The following SCN7A variants were observed in gnomAD, a reference collection of about 807,000 sequenced individuals.
The protein encoded by SCN7A is sodium voltage-gated channel alpha subunit 7, also known as sodium channel protein type 7 subunit alpha.
In SCN7A, 138 loss-of-function variants were observed where a neutral mutation model predicts 155.2. That is an observed-to-expected ratio of 0.89 (90% CI 0.77 to 1.02). SCN7A has a LOEUF of 1.02. Ranked by LOEUF, SCN7A falls within the 50% of genes least tolerant of loss-of-function variation. The pLI is 0.00. For synonymous variants in SCN7A, 693 were observed against 649.0 expected (o/e 1.07, Z -1.03); for missense variants, 2,058 against 1,986.6 (o/e 1.04, Z -0.68).
intron 9 of SCN7A, among the ~76,000 whole-genome samples, chr2:166,463,023 T>C (rs1702448946): frequency 1.3e-5 from 2 of 152,288 alleles, no homozygotes; most frequent in South Asian, 4.1e-4. Flanking sequence ...AGGGGAAATA[T>C]CTGAACATCA....
intron 18 of SCN7A, among the ~76,000 whole-genome samples, chr2:166,424,685 G>GA (rs1448632500): frequency 3.3e-5 from 5 of 151,344 alleles, no homozygotes; most frequent in African/African-American, 7.3e-5. Flanking sequence ...AGAAGATTTA[G>GA]AAAAAAAAGC....
At chr2:166,447,810 G>A (rs893356664) in intron 11 of SCN7A, 102 bp from the exon 12 acceptor site, 15 of 741,042 alleles carry the variant, frequency 2.0e-5, no homozygotes, top group Non-Finnish European at 3.4e-5. Flanking sequence ...TATTCTCCCG[G>A]AGCCTTTTCT....
intron 2 of SCN7A, among the ~76,000 whole-genome samples, chr2:166,483,427 GTTTTGTGTACATATT>G (rs1702975695): frequency 6.6e-6 from 1 of 151,854 alleles, no homozygotes; most frequent in South Asian, 2.1e-4. Context: ...TATTTGCGTA[GTTTTGTGTACATATT>G]ATGTTGTATT....
intron 8 of SCN7A, 84 bp downstream of exon 8, chr2:166,465,697 T>G: frequency 7.0e-7 from 1 of 1,435,604 alleles, no homozygotes; most frequent in Non-Finnish European, 9.8e-7. Flanking sequence ...TAACAAAATG[T>G]TGAGTGTTCA....
chr2:166,421,641 T>C (rs1575011846), intron 19 of SCN7A, among the ~76,000 whole-genome samples: 1 of 151,990 alleles, frequency 6.6e-6, no homozygotes, highest in African/African-American at 2.4e-5. Context: ...TCATAATTAC[T>C]TGTAATACAG....
At chr2:166,473,690 T>TAAA in intron 5 of SCN7A, 109 bp downstream of exon 5, 2 of 262,868 alleles carry the variant, frequency 7.6e-6, no homozygotes, top group Non-Finnish European at 1.4e-5. Context: ...AAATTTATTA[T>TAAA]AATATAAAAT....
rs149250497 is a variant in SCN7A, at chr2:166,487,396, TTTC to T, written c.-127-431_-127-429del. Among the ~76,000 whole-genome samples the T allele has an allele frequency of 5.2e-3, 788 of 152,238 alleles. 40 individuals carry two copies. The East Asian group carries it at 0.12, about 22-fold the overall frequency. On this transcript the variant is annotated intron_variant, in intron 1 of 25. Coordinates refer to ENST00000643258, the MANE Select transcript of SCN7A (RefSeq NM_002976.4). ...AAAAGGAATGCCAGAAGTCAGTATT[TTTC>T]TTCTTCCCTACTCACAATTCCCAAT...
Position 166,445,756 on chromosome 2 carries a change from C to G in SCN7A, c.1388-756G>C, listed in dbSNP as rs1455493080. 2.0e-5 allele frequency among the ~76,000 whole-genome samples: 3 copies of G among 151,510 alleles called. No individual in the cohort carries two copies. In the East Asian group the frequency reaches 5.8e-4, roughly 30 times the overall value. ...AAGCTTTTTGACGTGCTGCTGGATT[C>G]GACAAAAACAAGCGATGGGGAAAGG... On this transcript the variant is annotated intron_variant, in intron 12 of 25. Transcript: ENST00000643258.
At position 166,463,834 on chromosome 2, in the gene SCN7A, T is replaced by A. The variant is rs1237804173; in HGVS notation, c.942-1304A>T. 2.0e-5 allele frequency among the ~76,000 whole-genome samples: 3 copies of A among 151,974 alleles called. No individual in the cohort carries two copies. The East Asian group carries it at 5.8e-4, about 30-fold the overall frequency. ...ACTTTGGGAGGCCACGGTGGGTGGA[T>A]CGCTTAAGCCCAAGAGGTCAAGACT... On this transcript the variant is annotated intron_variant, in intron 9 of 25. Transcript: ENST00000643258.
chr2:166,421,164 G>T, intron 20 of SCN7A, 26 bp downstream of exon 20: 1 of 1,403,348 alleles, frequency 7.1e-7, no homozygotes, highest in Non-Finnish European at 9.6e-7. Flanking sequence ...AAAATTTGTA[G>T]ATTAGCTTAG....
intron 1 of SCN7A, among the ~76,000 whole-genome samples, chr2:166,493,387 G>C (rs1683157940): frequency 6.6e-6 from 1 of 152,098 alleles, no homozygotes; most frequent in African/African-American, 2.4e-5. Flanking sequence ...AAAACCTCCA[G>C]AAGAGATGCA....
intron 18 of SCN7A, among the ~76,000 whole-genome samples, chr2:166,426,400 G>A (rs1701625677): frequency 6.6e-6 from 1 of 151,978 alleles, no homozygotes; most frequent in South Asian, 2.1e-4. Context: ...TAGGATAGGT[G>A]GACTCTGGGG....
intron 21 of SCN7A, chr2:166,414,573 C>T (rs1232367239): frequency 7.0e-6 from 1 of 142,648 alleles, no homozygotes; most frequent in African/African-American, 2.6e-5. Context: ...AATAATCTCC[C>T]ACATCCGGAA....
rs1391808152 is a variant in SCN7A, at chr2:166,427,818, C to T, written c.2823G>A (p.Gly941=). Residue 941 remains glycine (G), a synonymous_variant, in exon 18 of 26, where the codon GGG becomes GGA. Coordinates refer to ENST00000643258, the MANE Select transcript of SCN7A (RefSeq NM_002976.4). ...VENNWFKCFI[G]LVTLLSTGTL... The stretch of plus-strand genomic sequence containing the variant: ...TGCCAGTGCTGAGCAGAGTAACAAG[C>T]CCAATAAAACACTTAAACCAATTGT... 1 of 1,611,386 alleles carries T rather than the reference C, an allele frequency of 6.2e-7. No individual in the cohort carries two copies. The highest frequency in any genetic ancestry group is 8.5e-7 in the Non-Finnish European group (1 of 1,178,694).
chr2:166,414,271 C>T (rs187608090), intron 21 of SCN7A, among the ~76,000 whole-genome samples: 5,386 of 27,318 alleles, frequency 0.2, 537 homozygotes, highest in African/African-American at 0.29. Flanking sequence ...TATACACACA[C>T]ATATATATAT....
chr2:166,460,566 A>T (rs1338351005), intron 10 of SCN7A, among the ~76,000 whole-genome samples: 1 of 152,160 alleles, frequency 6.6e-6, no homozygotes, highest in East Asian at 1.9e-4. Context: ...ATTCCAGTGT[A>T]GGATGTGCCT....
intron 11 of SCN7A, among the ~76,000 whole-genome samples, chr2:166,450,249 G>A (rs1314213082): frequency 6.6e-6 from 1 of 152,096 alleles, no homozygotes; most frequent in Non-Finnish European, 1.5e-5. Flanking sequence ...ACTTTTAAGT[G>A]ACAGCTAAAC....
chr2:166,478,830 A>T (rs1702858158), intron 2 of SCN7A, among the ~76,000 whole-genome samples: 1 of 151,998 alleles, frequency 6.6e-6, no homozygotes, highest in African/African-American at 2.4e-5. Flanking sequence ...AAGTTATCCT[A>T]TAGGCAACTC....
rs78910299 is a variant in SCN7A, at chr2:166,485,934, G to A, written c.-15+922C>T. ...TTAAATCCTTGACCAAAAATTCCTG[G>A]CTAGTGGCCACATTAGGATTCAACA... On this transcript the variant is annotated intron_variant, in intron 2 of 25. Coordinates refer to ENST00000643258, the MANE Select transcript of SCN7A (RefSeq NM_002976.4). Among the ~76,000 whole-genome samples, 924 of 152,204 alleles carry A rather than the reference G, an allele frequency of 6.1e-3. 4 individuals are homozygous for A. Among genetic ancestry groups the A allele is most frequent in the African/African-American group, 0.021 (887 of 41,526 alleles).
Sources: allele counts gnomAD v4.1 joint callset (sites outside exome capture counted in the v4.1 genomes callset), GRCh38; gene constraint gnomAD v4.1.1; transcripts MANE v1.5; gene names NCBI Gene and HGNC (gene_info 2026-07-23, HGNC 2026-07-21).